Variants in C7orf78 observed in about 807,000 individuals in gnomAD.
The protein encoded by C7orf78 is putative uncharacterized protein C7orf78.
At chr7:12,494,683 T>C in the C7orf78 span, among the ~76,000 whole-genome samples, 64 of 152,336 alleles carry the variant, frequency 4.2e-4, no homozygotes, top group Non-Finnish European at 7.8e-4. Context: ...ATCATCTGTT[T>C]AGAAATACAT....
chr7:12,496,783 T>C, the C7orf78 span: 28 of 152,154 alleles, frequency 1.8e-4, no homozygotes, highest in African/African-American at 6.0e-4. Flanking sequence ...ACCATATGTA[T>C]CTCTATGCAA....
At chr7:12,484,292 C>T in the C7orf78 span, among the ~76,000 whole-genome samples, 18,849 of 152,010 alleles carry the variant, frequency 0.12, 1,789 homozygotes, top group African/African-American at 0.28. Context: ...TGAGATGGCT[C>T]AATTATGGAG....
the C7orf78 span, among the ~76,000 whole-genome samples, chr7:12,504,100 A>G: frequency 6.6e-6 from 1 of 152,222 alleles, no homozygotes. Flanking sequence ...TCTCAGAATC[A>G]TATAATATAT....
At chr7:12,518,946 A>G in the C7orf78 span, among the ~76,000 whole-genome samples, 115 of 152,096 alleles carry the variant, frequency 7.6e-4, no homozygotes, top group African/African-American at 2.7e-3. Context: ...GAGTGTGAGG[A>G]GCCTGATTTG....
At chr7:12,515,132 A>G in the C7orf78 span, among the ~76,000 whole-genome samples, 1 of 152,032 alleles carries the variant, frequency 6.6e-6, no homozygotes, top group African/African-American at 2.4e-5. Flanking sequence ...TCTTCATGTC[A>G]ATATGGTTTG....
chr7:12,509,470 G>T, the C7orf78 span, among the ~76,000 whole-genome samples: 1 of 152,142 alleles, frequency 6.6e-6, no homozygotes, highest in Non-Finnish European at 1.5e-5. Context: ...TAACCCATAA[G>T]GGTCAACATG....
chr7:12,484,499 C>G, the C7orf78 span, among the ~76,000 whole-genome samples: 1 of 152,158 alleles, frequency 6.6e-6, no homozygotes, highest in Non-Finnish European at 1.5e-5. Flanking sequence ...AATAAACTCT[C>G]TGTAGTCATT....
the C7orf78 span, among the ~76,000 whole-genome samples, chr7:12,502,909 A>C: frequency 6.6e-6 from 1 of 150,898 alleles, no homozygotes; most frequent in Non-Finnish European, 1.5e-5. Flanking sequence ...AGCCATAAAA[A>C]ATGATGAGTT....
the C7orf78 span, among the ~76,000 whole-genome samples, chr7:12,495,912 T>A: frequency 6.6e-6 from 1 of 151,972 alleles, no homozygotes; most frequent in African/African-American, 2.4e-5. Flanking sequence ...TTTGTGGAGC[T>A]GAGAAACTCA....
At chr7:12,498,781 G>A in the C7orf78 span, among the ~76,000 whole-genome samples, 4 of 149,150 alleles carry the variant, frequency 2.7e-5, no homozygotes, top group African/African-American at 9.9e-5. Context: ...ACACATAATT[G>A]TCAGATTCAC....
At chr7:12,527,038 T>A in the C7orf78 span, among the ~76,000 whole-genome samples, 100 of 115,172 alleles carry the variant, frequency 8.7e-4, no homozygotes, top group Middle Eastern at 4.4e-3. Context: ...GTATATGCTA[T>A]GTGTCACTCA....
chr7:12,503,329 A>C, the C7orf78 span, among the ~76,000 whole-genome samples: 3 of 152,112 alleles, frequency 2.0e-5, no homozygotes, highest in African/African-American at 4.8e-5. Flanking sequence ...ATATTCAATA[A>C]TACCAATGAA....
At chr7:12,532,981 C>CCACT in the C7orf78 span, among the ~76,000 whole-genome samples, 1 of 152,140 alleles carries the variant, frequency 6.6e-6, no homozygotes, top group African/African-American at 2.4e-5. Flanking sequence ...AGTCATCCTA[C>CCACT]TAATGATTTA....
At chr7:12,539,996 C>T in the C7orf78 span, among the ~76,000 whole-genome samples, 2,377 of 152,208 alleles carry the variant, frequency 0.016, 60 homozygotes, top group African/African-American at 0.054. Context: ...AAGCTTCAAG[C>T]TTTAAGAACA....
the C7orf78 span, among the ~76,000 whole-genome samples, chr7:12,536,615 C>A: frequency 8.5e-5 from 13 of 152,274 alleles, no homozygotes; most frequent in African/African-American, 3.1e-4. Context: ...CCTCAGAAAA[C>A]GCTTTTTTTC....
At chr7:12,494,365 C>T in the C7orf78 span, among the ~76,000 whole-genome samples, 1 of 152,106 alleles carries the variant, frequency 6.6e-6, no homozygotes, top group Non-Finnish European at 1.5e-5. Flanking sequence ...GTATCACTCC[C>T]ACTTAGTCAA....
the C7orf78 span, chr7:12,507,404 A>C: frequency 5.5e-6 from 1 of 180,800 alleles, no homozygotes; most frequent in African/African-American, 2.3e-5. Context: ...GACAGCCATG[A>C]GGCCAGCACT....
the C7orf78 span, among the ~76,000 whole-genome samples, chr7:12,524,257 C>T: frequency 0.7 from 107,052 of 151,998 alleles, 38,294 homozygotes; most frequent in African/African-American, 0.84. Flanking sequence ...TTATTTTAAG[C>T]AACGAACGAA....
the C7orf78 span, among the ~76,000 whole-genome samples, chr7:12,527,230 C>A: frequency 8.8e-5 from 9 of 101,926 alleles, 1 homozygote; most frequent in African/African-American, 4.9e-4. Flanking sequence ...TGCCACCTAG[C>A]TGTGTAATTC....
Sources: allele counts gnomAD v4.1 joint callset (sites outside exome capture counted in the v4.1 genomes callset), GRCh38; gene constraint gnomAD v4.1.1; transcripts MANE v1.5; gene names NCBI Gene and HGNC (gene_info 2026-07-23, HGNC 2026-07-21).